GPR143: variants seen among roughly 807,000 people sequenced by gnomAD.
GPR143 encodes the protein G protein-coupled receptor 143, also known as G-protein coupled receptor 143.
Under a neutral mutation model 27.6 loss-of-function variants are expected in GPR143, and 8 were observed. The observed-to-expected ratio is 0.29, with a 90% confidence interval of 0.17 to 0.52. The LOEUF (loss-of-function observed/expected upper bound fraction) is 0.52, where lower values mean the gene tolerates loss of function less well. Among genes scored for constraint, GPR143 ranks in the 20% least tolerant of loss-of-function variants. The pLI is 0.96. For synonymous variants in GPR143, 156 were observed against 153.2 expected (o/e 1.02, Z -0.13); for missense variants, 303 against 343.1 (o/e 0.88, Z 0.92).
chrX:9,736,030 A>G (rs5979168), intron 8 of GPR143, among the ~76,000 whole-genome samples: 22,181 of 110,343 alleles, frequency 0.2, 2,908 homozygotes, highest in African/African-American at 0.47. Flanking sequence ...GAGGATTTAC[A>G]TAGTCCCAGG....
At chrX:9,741,504 C>A in intron 6 of GPR143, 49 bp from the exon 7 acceptor site, 2 of 619,428 alleles carry the variant, frequency 3.2e-6, no homozygotes, top group South Asian at 2.2e-5. Flanking sequence ...CAATGAAACT[C>A]GTTTTTAAAT....
chrX:9,765,287 G>A (rs1426622124), intron 1 of GPR143, among the ~76,000 whole-genome samples: 1 of 111,071 alleles, frequency 9.0e-6, no homozygotes, highest in Non-Finnish European at 1.9e-5. Flanking sequence ...CAACCCCAGG[G>A]CCTCACGCCC....
intron 1 of GPR143, among the ~76,000 whole-genome samples, chrX:9,771,934 C>A (rs995461208): frequency 4.5e-5 from 5 of 110,702 alleles, no homozygotes; most frequent in African/African-American, 1.6e-4. Flanking sequence ...TGGTCTTGAA[C>A]TCCTGATCTC....
At position 9,729,054 on chromosome X, in the gene GPR143, G is replaced by A. The variant is rs764865638; in HGVS notation, c.1121-3214C>T. ...GGGAGGATGGATCTGGCCGTAGATC[G>A]CCCAGCCAGATCCTGAGGAGAGTCT... On this transcript the variant is annotated intron_variant, in intron 8 of 8. Transcript: ENST00000467482. Among the ~76,000 whole-genome samples the A allele has an allele frequency of 1.9e-4, 21 of 110,910 alleles. No homozygotes were observed. The South Asian group carries it at 3.5e-3, about 18-fold the overall frequency.
rs1373769468 is a variant in GPR143 at position 9,749,836 on chromosome X, C to T, written c.456-1170G>A. ...AGACTGCAGTGCAGTGGTGCAATCT[C>T]GGCTCACTGCAACTGTCTCCTGAGC... On this transcript the variant is annotated intron_variant, in intron 3 of 8. Coordinates refer to ENST00000467482, the MANE Select transcript of GPR143 (RefSeq NM_000273.3). 3.6e-5 allele frequency among the ~76,000 whole-genome samples: 4 copies of T among 112,297 alleles called. No homozygotes were observed. The East Asian group carries it at 8.4e-4, about 24-fold the overall frequency.
At chrX:9,770,326 AG>A (rs2083550152), upstream of GPR143, among the ~76,000 whole-genome samples, 2 of 20,502 alleles carry the variant, frequency 9.8e-5, no homozygotes, top group Non-Finnish European at 2.6e-4. Context: ...AAAGAAAAAG[AG>A]AGAGAGAGAG....
intron 3 of GPR143, among the ~76,000 whole-genome samples, chrX:9,755,944 G>A (rs1312841108): frequency 8.9e-6 from 1 of 111,743 alleles, no homozygotes; most frequent in Admixed American, 9.6e-5. Context: ...GCATATCTCA[G>A]TTTGGTTCAG....
chrX:9,746,488 A>C (rs1182035512), intron 4 of GPR143, among the ~76,000 whole-genome samples: 1 of 110,485 alleles, frequency 9.1e-6, no homozygotes, highest in Non-Finnish European at 1.9e-5. Flanking sequence ...CTCAAGGAAA[A>C]AACGCAATTC....
At chrX:9,733,939 G>C (rs2083366945) in intron 8 of GPR143, among the ~76,000 whole-genome samples, 2 of 110,095 alleles carry the variant, frequency 1.8e-5, no homozygotes, top group Admixed American at 9.7e-5. Flanking sequence ...AATTAGCTGG[G>C]CGTAGTGGTG....
Position 9,748,605 on chromosome X carries a change from C to T in GPR143, c.517G>A (p.Ala173Thr). 3 of 1,208,063 alleles carry T rather than the reference C, an allele frequency of 2.5e-6. No individual in the cohort carries two copies. Among genetic ancestry groups the T allele is most frequent in the East Asian group, 5.9e-5 (2 of 33,811 alleles). The change falls in exon 4 of 9, where the codon GCC becomes ACC. Residue 173 changes from alanine to threonine, a missense_variant. Coordinates refer to ENST00000467482, the MANE Select transcript of GPR143 (RefSeq NM_000273.3). ...ACGGAAGGGTAGTAGAGCATGGCGG[C>T]TCCCTCCACACAGAGCAGGGTGGCC... ...GLATLLCVEG[A>T]AMLYYPSVSR...
In GPR143 at chrX:9,734,036, C is replaced by T. The variant is rs186756732; in HGVS notation, c.1120+5449G>A. On this transcript the variant is annotated intron_variant, in intron 8 of 8. Coordinates refer to ENST00000467482, the MANE Select transcript of GPR143 (RefSeq NM_000273.3). ...CAGAGGTTGTGGTGAGCTTAGATCG[C>T]GCCATTGCACTCCAGTCTGGGCAAC... 3.1e-3 allele frequency among the ~76,000 whole-genome samples: 319 copies of T among 102,394 alleles called. 1 individual carries two copies. The highest frequency in any genetic ancestry group is 4.8e-3 in the Non-Finnish European group (244 of 50,832). The allele number at this position is 102,394 out of a possible 115,157, so 88.9% of individuals were successfully genotyped here. A position where few individuals can be genotyped will look rare whatever the true frequency, so the allele number is the denominator to read the frequency against.
intron 1 of GPR143, among the ~76,000 whole-genome samples, chrX:9,775,001 C>T (rs908079443): frequency 7.2e-5 from 8 of 110,939 alleles, no homozygotes; most frequent in Non-Finnish European, 1.3e-4. Context: ...GTAGCAGAGA[C>T]GACAGGCATG....
At chrX:9,726,645 G>C (rs1420640868) in intron 8 of GPR143, among the ~76,000 whole-genome samples, 1 of 112,231 alleles carries the variant, frequency 8.9e-6, no homozygotes, top group Non-Finnish European at 1.9e-5. Context: ...TTTCATGGCA[G>C]TTTGCTTCCG....
intron 4 of GPR143, among the ~76,000 whole-genome samples, chrX:9,746,972 G>A (rs751989080): frequency 3.7e-4 from 35 of 94,959 alleles, no homozygotes; most frequent in Middle Eastern, 5.8e-3. Context: ...TAATATTGAC[G>A]GAGTTGTCAA....
intron 3 of GPR143, among the ~76,000 whole-genome samples, chrX:9,754,403 G>A (rs915520373): frequency 9.0e-5 from 10 of 111,598 alleles, no homozygotes; most frequent in Middle Eastern, 4.6e-3. Context: ...ATGTGGGCCA[G>A]GAACCAGAAG....
rs1374283717 is a variant in GPR143, at chrX:9,771,709, CTCTTTTT to C, written c.-2-10890_-2-10884del. The stretch of plus-strand genomic sequence containing the variant: ...CCAACTAAGCCATGGAGCATTCTCT[CTCTTTTT>C]TTTTTTTTTTTGGATGGAGTCTTGC... On this transcript the variant is annotated intron_variant, in intron 1 of 7. Transcript: ENST00000447366. Among the ~76,000 whole-genome samples, 331 of 92,816 alleles carry C rather than the reference CTCTTTTT, an allele frequency of 3.6e-3. 3 individuals carry two copies. The highest frequency in any genetic ancestry group is 5.7e-3 in the Non-Finnish European group (275 of 48,097). The allele number at this position is 92,816 out of a possible 115,157, so 80.6% of individuals were successfully genotyped here.
At chrX:9,735,081 C>T (rs770008704) in intron 8 of GPR143, among the ~76,000 whole-genome samples, 7 of 112,736 alleles carry the variant, frequency 6.2e-5, no homozygotes, top group African/African-American at 2.3e-4. Flanking sequence ...GAACCGAGCT[C>T]CATCCAGCGG....
At chrX:9,735,652 A>G (rs112986591) in intron 8 of GPR143, among the ~76,000 whole-genome samples, 1,549 of 112,248 alleles carry the variant, frequency 0.014, 36 homozygotes, top group African/African-American at 0.046. Flanking sequence ...ATGGTGTTGA[A>G]TATTTGCTTA....
At chrX:9,775,588 G>A (rs1484817789) in intron 1 of GPR143, among the ~76,000 whole-genome samples, 3 of 111,954 alleles carry the variant, frequency 2.7e-5, no homozygotes. Flanking sequence ...CACATCTGGT[G>A]GAGCTGAGAA....
Sources: gnomAD v4.1 joint callset for allele counts (sites outside exome capture counted in the v4.1 genomes callset) on GRCh38, gnomAD v4.1.1 for gene constraint, MANE v1.5 for transcripts, NCBI Gene and HGNC (gene_info 2026-07-23, HGNC 2026-07-21) for gene names.